Variants in NLGN1 observed in about 807,000 individuals in gnomAD.
NLGN1 encodes the protein neuroligin 1.
In NLGN1, 12 loss-of-function variants were observed where a neutral mutation model predicts 65.5. The ratio of observed to expected loss-of-function variants is 0.18; its 90% CI spans 0.12 to 0.30. The LOEUF is 0.30. Ranked by LOEUF, NLGN1 falls within the 10% of genes least tolerant of loss-of-function variation. NLGN1 has a pLI of 1.00. For missense variants in NLGN1, 750 were observed against 1,007.1 expected (o/e 0.74, Z 3.46); for synonymous variants, 350 against 359.5 (o/e 0.97, Z 0.30).
At chr3:173,586,562 AC>A (rs1296954118) in intron 2 of NLGN1, among the ~76,000 whole-genome samples, 1 of 152,160 alleles carries the variant, frequency 6.6e-6, no homozygotes, top group Non-Finnish European at 1.5e-5. Context: ...AAAATATAAA[AC>A]TTTTGTCTCC....
chr3:173,482,310 A>G (rs1262058815), intron 2 of NLGN1, among the ~76,000 whole-genome samples: 1 of 151,880 alleles, frequency 6.6e-6, no homozygotes, highest in Non-Finnish European at 1.5e-5. Context: ...GAGGACGTCA[A>G]CATTTCTTTC....
intron 4 of NLGN1, among the ~76,000 whole-genome samples, chr3:173,950,541 G>A (rs564600597): frequency 2.6e-5 from 4 of 152,232 alleles, no homozygotes; most frequent in Admixed American, 6.5e-5. Flanking sequence ...AACTGGGTGT[G>A]GTGGCTCATG....
intron 4 of NLGN1, among the ~76,000 whole-genome samples, chr3:174,034,743 G>A (rs965320249): frequency 1.3e-5 from 2 of 152,004 alleles, no homozygotes; most frequent in African/African-American, 4.8e-5. Flanking sequence ...TTTAAAACCA[G>A]AAAATGCAGA....
chr3:173,503,344 C>A (rs566638468), intron 2 of NLGN1, among the ~76,000 whole-genome samples: 1 of 152,188 alleles, frequency 6.6e-6, no homozygotes, highest in African/African-American at 2.4e-5. Context: ...CAGGGCTCAG[C>A]AGCATGTTCT....
intron 4 of NLGN1, among the ~76,000 whole-genome samples, chr3:173,995,945 G>A (rs879100593): frequency 6.6e-6 from 1 of 152,062 alleles, no homozygotes; most frequent in Non-Finnish European, 1.5e-5. Context: ...CTCTTCCTCT[G>A]AAAGTGCTGG....
intron 4 of NLGN1, among the ~76,000 whole-genome samples, chr3:173,939,527 C>T (rs1204821742): frequency 6.6e-6 from 1 of 152,092 alleles, no homozygotes; most frequent in Non-Finnish European, 1.5e-5. Context: ...TAATGATCTT[C>T]CTGAGAGGAA....
chr3:173,685,337 C>T (rs1398182424), intron 3 of NLGN1, among the ~76,000 whole-genome samples: 1 of 151,982 alleles, frequency 6.6e-6, no homozygotes, highest in South Asian at 2.1e-4. Context: ...AGACATATTC[C>T]CAGGTTTTAT....
At chr3:173,725,111 G>C (rs986881452) in intron 3 of NLGN1, among the ~76,000 whole-genome samples, 2 of 151,830 alleles carry the variant, frequency 1.3e-5, no homozygotes, top group Admixed American at 6.6e-5. Flanking sequence ...ACACCAACAC[G>C]GCACATGGAT....
intron 2 of NLGN1, among the ~76,000 whole-genome samples, chr3:173,504,049 T>C (rs1282657052): frequency 9.9e-5 from 15 of 152,122 alleles, no homozygotes. Flanking sequence ...GGCACATATG[T>C]GTCATAAACT....
At chr3:173,649,373 A>G (rs567670968) in intron 3 of NLGN1, among the ~76,000 whole-genome samples, 3 of 152,122 alleles carry the variant, frequency 2.0e-5, no homozygotes, top group Non-Finnish European at 2.9e-5. Flanking sequence ...TGTAACTATT[A>G]CAAGTTACAT....
chr3:174,231,357 G>A (rs1229079055), intron 4 of NLGN1, among the ~76,000 whole-genome samples: 4 of 152,164 alleles, frequency 2.6e-5, no homozygotes, highest in East Asian at 1.9e-4. Flanking sequence ...AATTGGAAGC[G>A]AGGTACAGAA....
At chr3:173,940,308 C>T (rs983647247) in intron 4 of NLGN1, among the ~76,000 whole-genome samples, 1 of 151,938 alleles carries the variant, frequency 6.6e-6, no homozygotes, top group East Asian at 1.9e-4. Context: ...AGGCTGGTCT[C>T]GAACCCCTGA....
intron 4 of NLGN1, among the ~76,000 whole-genome samples, chr3:173,821,854 A>G (rs1720370922): frequency 1.3e-5 from 2 of 152,106 alleles, no homozygotes; most frequent in African/African-American, 4.8e-5. Flanking sequence ...TCATTTACCT[A>G]TTTTTACCCT....
In NLGN1 at chr3:173,754,603, A is replaced by G. The variant is rs185870851; in HGVS notation, c.494-53077A>G. On this transcript the variant is annotated intron_variant, in intron 3 of 6. Coordinates refer to ENST00000457714, the Ensembl canonical transcript of NLGN1. Reference sequence around the variant, plus strand: ...TCCCCTGGGCTTAGAATAGTACTTAACATATAGTAGACACTCCATAAATAT... The same window carrying G: ...TCCCCTGGGCTTAGAATAGTACTTAGCATATAGTAGACACTCCATAAATAT... Among the ~76,000 whole-genome samples, 343 of 152,254 alleles carry G rather than the reference A, an allele frequency of 2.3e-3. 1 individual carries two copies. Among genetic ancestry groups the G allele is most frequent in the African/African-American group, 8.0e-3 (331 of 41,572 alleles).
intron 4 of NLGN1, among the ~76,000 whole-genome samples, chr3:173,993,654 T>TGATAGATA (rs10648000): frequency 0.2 from 29,011 of 147,088 alleles, 2,849 homozygotes; most frequent in Middle Eastern, 0.24. Flanking sequence ...GCTAGATAGA[T>TGATAGATA]GATAGATAGA....
At chr3:173,449,927 C>G (rs1721159436) in intron 2 of NLGN1, among the ~76,000 whole-genome samples, 1 of 152,114 alleles carries the variant, frequency 6.6e-6, no homozygotes, top group African/African-American at 2.4e-5. Context: ...AGATCTTCCT[C>G]CATTCCTTTA....
chr3:173,850,931 G>T, intron 4 of NLGN1, among the ~76,000 whole-genome samples: 1 of 151,822 alleles, frequency 6.6e-6, no homozygotes, highest in African/African-American at 2.4e-5. Context: ...TTTCTGTAGA[G>T]ATGAAGTCTT....
At chr3:174,025,022 A>C (rs1268993662) in intron 4 of NLGN1, among the ~76,000 whole-genome samples, 2 of 152,210 alleles carry the variant, frequency 1.3e-5, no homozygotes, top group African/African-American at 4.8e-5. Flanking sequence ...TTGGCTAATT[A>C]TTTCTAGTAG....
At chr3:174,287,549 T>C (rs186810357), downstream of NLGN1, among the ~76,000 whole-genome samples, 5 of 151,720 alleles carry the variant, frequency 3.3e-5, no homozygotes, top group Admixed American at 2.6e-4. Context: ...TTGTAGGATG[T>C]TATTTCTGAG....
Sources: gnomAD v4.1 joint callset for allele counts (sites outside exome capture counted in the v4.1 genomes callset) on GRCh38, gnomAD v4.1.1 for gene constraint, MANE v1.5 for transcripts, NCBI Gene and HGNC (gene_info 2026-07-23, HGNC 2026-07-21) for gene names.